Variants in TBC1D5 observed in about 807,000 individuals in gnomAD.
TBC1D5 encodes TBC1 domain family, member 5.
Under a neutral mutation model 100.3 loss-of-function variants are expected in TBC1D5, and 75 were observed. The observed-to-expected ratio is 0.75, with a 90% CI of 0.62 to 0.91. The LOEUF is 0.91. Ranked by LOEUF, TBC1D5 falls within the 40% of genes least tolerant of loss-of-function variation. TBC1D5 has a pLI of 0.00. For missense variants in TBC1D5, 910 were observed against 942.4 expected (o/e 0.97, Z 0.45); for synonymous variants, 323 against 325.6 (o/e 0.99, Z 0.09).
At chr3:17,696,326 A>G (rs1310034549) in intron 1 of TBC1D5, among the ~76,000 whole-genome samples, 3 of 152,168 alleles carry the variant, frequency 2.0e-5, no homozygotes, top group Non-Finnish European at 4.4e-5. Context: ...TTTTTTGAAA[A>G]GATCAACAAA....
intron 3 of TBC1D5, among the ~76,000 whole-genome samples, chr3:17,442,176 T>A (rs1214475953): frequency 6.6e-6 from 1 of 152,174 alleles, no homozygotes; most frequent in Non-Finnish European, 1.5e-5. Flanking sequence ...TTTCAGAAAC[T>A]AGAAAAAGGA....
intron 1 of TBC1D5, among the ~76,000 whole-genome samples, chr3:17,703,080 CCT>C (rs1471878922): frequency 2.8e-4 from 42 of 152,082 alleles, no homozygotes; most frequent in African/African-American, 9.9e-4. Context: ...AAAGAAAATG[CCT>C]TATTTCAGCC....
intron 4 of TBC1D5, among the ~76,000 whole-genome samples, chr3:17,413,631 T>G (rs1294812082): frequency 2.0e-5 from 3 of 152,230 alleles, no homozygotes; most frequent in African/African-American, 7.2e-5. Flanking sequence ...ATAGTTGAAA[T>G]ACCTTTATAA....
chr3:17,167,871 A>G (rs1431336584), intron 19 of TBC1D5, 43 bp from the exon 21 acceptor site: 1 of 1,377,918 alleles, frequency 7.3e-7, no homozygotes, highest in South Asian at 1.3e-5. Context: ...TGCTCTGAGC[A>G]TAACCTACCT....
At chr3:17,654,448 C>T (rs1015088911) in intron 1 of TBC1D5, among the ~76,000 whole-genome samples, 1 of 152,160 alleles carries the variant, frequency 6.6e-6, no homozygotes. Context: ...AAACTGTATA[C>T]ACCAATCATT....
At chr3:17,339,861 C>T (rs2088580989) in intron 13 of TBC1D5, among the ~76,000 whole-genome samples, 1 of 152,152 alleles carries the variant, frequency 6.6e-6, no homozygotes, top group Non-Finnish European at 1.5e-5. Context: ...AGGGCAAACA[C>T]ATACCTTGCA....
intron 13 of TBC1D5, among the ~76,000 whole-genome samples, chr3:17,328,116 A>T (rs932728936): frequency 6.6e-6 from 1 of 150,674 alleles, no homozygotes; most frequent in Non-Finnish European, 1.5e-5. Context: ...CAAAAATTTT[A>T]AAAATTAGCC....
chr3:17,675,165 C>T (rs907429206), intron 1 of TBC1D5, among the ~76,000 whole-genome samples: 1 of 151,894 alleles, frequency 6.6e-6, no homozygotes, highest in Non-Finnish European at 1.5e-5. Flanking sequence ...AGTAAGCAAA[C>T]GCAAGCATAA....
intron 2 of TBC1D5, among the ~76,000 whole-genome samples, chr3:17,577,717 ACT>A (rs2096666308): frequency 6.6e-6 from 1 of 151,996 alleles, no homozygotes; most frequent in South Asian, 2.1e-4. Context: ...ATGTAATTTT[ACT>A]TTTTGCTTAT....
At chr3:17,644,353 G>A (rs1303545652) in intron 1 of TBC1D5, among the ~76,000 whole-genome samples, 10 of 152,062 alleles carry the variant, frequency 6.6e-5, no homozygotes, top group Non-Finnish European at 2.9e-5. Flanking sequence ...AGCACTTAAC[G>A]TCACCCAGAA....
At chr3:17,582,952 G>T (rs927027274) in intron 2 of TBC1D5, among the ~76,000 whole-genome samples, 1 of 152,068 alleles carries the variant, frequency 6.6e-6, no homozygotes, top group Non-Finnish European at 1.5e-5. Context: ...AGTCTGAAAT[G>T]ATATAATTAC....
rs116261702 is a variant in TBC1D5 at position 17,456,887 on chromosome 3, C to T, written c.98-28368G>A. ...AACATTTTGTTAAACAAAAGACAGGCACAGTCATAAATGCCATGTAGTTAC... is the reference window on the plus strand; with the variant it reads ...AACATTTTGTTAAACAAAAGACAGGTACAGTCATAAATGCCATGTAGTTAC... On this transcript the variant is annotated intron_variant, in intron 3 of 21. Coordinates refer to ENST00000253692, the Ensembl canonical transcript of TBC1D5. 4.2e-3 allele frequency among the ~76,000 whole-genome samples: 639 copies of T among 152,184 alleles called. 4 individuals are homozygous for T. The highest frequency in any genetic ancestry group is 0.014 in the African/African-American group (575 of 41,532).
intron 1 of TBC1D5, among the ~76,000 whole-genome samples, chr3:17,693,130 T>C (rs2071418212): frequency 6.6e-6 from 1 of 152,162 alleles, no homozygotes; most frequent in Non-Finnish European, 1.5e-5. Flanking sequence ...GATGGCCAAA[T>C]AGGAACAGCT....
At chr3:17,395,600 C>T (rs1048413979) in intron 8 of TBC1D5, among the ~76,000 whole-genome samples, 1 of 152,056 alleles carries the variant, frequency 6.6e-6, no homozygotes, top group Non-Finnish European at 1.5e-5. Flanking sequence ...TATAAATCTA[C>T]AACTATAAAT....
intron 13 of TBC1D5, among the ~76,000 whole-genome samples, chr3:17,323,788 TA>T (rs770076107): frequency 1.3e-5 from 2 of 152,200 alleles, no homozygotes; most frequent in Non-Finnish European, 2.9e-5. Context: ...CAATCTTAAT[TA>T]AAATCCCTTG....
chr3:17,231,076 A>G (rs1323769879), intron 17 of TBC1D5, among the ~76,000 whole-genome samples: 1 of 152,102 alleles, frequency 6.6e-6, no homozygotes, highest in Non-Finnish European at 1.5e-5. Flanking sequence ...GAATCCAGAG[A>G]TGTGAAACCC....
rs551149409 is a variant in TBC1D5 at position 17,368,399 on chromosome 3, G to C, written c.995+3676C>G. On this transcript the variant is annotated intron_variant, in intron 13 of 21. Coordinates refer to ENST00000253692, the Ensembl canonical transcript of TBC1D5. Reference sequence around the variant, plus strand: ...TAACATATATTCTCTTGGAAAAACTGGTTTTAAAAATAATTGCAAAATTTA... The same window carrying C: ...TAACATATATTCTCTTGGAAAAACTCGTTTTAAAAATAATTGCAAAATTTA... Among the ~76,000 whole-genome samples, 5 of 151,872 alleles carry C rather than the reference G, an allele frequency of 3.3e-5. No individual in the cohort carries two copies. The South Asian group carries it at 1.0e-3, about 31-fold the overall frequency.
chr3:17,361,179 G>A (rs1454811638), intron 13 of TBC1D5, among the ~76,000 whole-genome samples: 1 of 151,914 alleles, frequency 6.6e-6, no homozygotes, highest in African/African-American at 2.4e-5. Flanking sequence ...TTTCCTGTGT[G>A]TGAAAAGTAC....
chr3:17,242,836 T>A (rs968658758), intron 16 of TBC1D5, among the ~76,000 whole-genome samples: 3 of 152,114 alleles, frequency 2.0e-5, no homozygotes, highest in Admixed American at 2.0e-4. Flanking sequence ...TATATATATA[T>A]AAATATTTTT....
Sources: allele counts gnomAD v4.1 joint callset (sites outside exome capture counted in the v4.1 genomes callset), GRCh38; gene constraint gnomAD v4.1.1; transcripts MANE v1.5; gene names NCBI Gene and HGNC (gene_info 2026-07-23, HGNC 2026-07-21).